Variants in AP3B1 observed in about 807,000 individuals in gnomAD.
AP3B1 encodes the protein adaptor related protein complex 3 subunit beta 1, also known as AP-3 complex subunit beta-1.
A neutral mutation model predicts 132.5 loss-of-function variants in AP3B1; 61 were observed. The ratio of observed to expected loss-of-function variants is 0.46; its 90% CI spans 0.37 to 0.57. AP3B1 has a LOEUF of 0.57. Among genes scored for constraint, AP3B1 ranks in the 20% least tolerant of loss-of-function variants. The pLI is 0.00. For synonymous variants in AP3B1, 388 were observed against 438.3 expected, an observed-to-expected ratio of 0.89 and a Z score of 1.43; for missense variants, 1,120 against 1,289.4, an observed-to-expected ratio of 0.87 and a Z score of 2.01.
intron 19 of AP3B1, among the ~76,000 whole-genome samples, chr5:78,112,101 A>G (rs116573947): frequency 1.1e-3 from 161 of 152,326 alleles, no homozygotes; most frequent in African/African-American, 3.7e-3. Context: ...TAGGAGCTTT[A>G]AAAAATTATC....
intron 22 of AP3B1, chr5:78,044,111 C>T (rs572872345): frequency 2.4e-4 from 75 of 312,244 alleles, no homozygotes; most frequent in Non-Finnish European, 3.9e-4. Context: ...CCAGCTCCTC[C>T]GCTCCACGTG....
At chr5:78,193,611 G>A (rs966303278) in intron 7 of AP3B1, among the ~76,000 whole-genome samples, 10 of 148,804 alleles carry the variant, frequency 6.7e-5, no homozygotes, top group African/African-American at 2.5e-4. Context: ...TCTGTTTTTA[G>A]TAGAACTGCT....
intron 22 of AP3B1, among the ~76,000 whole-genome samples, chr5:78,079,435 C>T (rs1166100080): frequency 1.3e-5 from 2 of 152,040 alleles, no homozygotes; most frequent in Non-Finnish European, 2.9e-5. Context: ...AGCAAAAGAC[C>T]TACCATGGAG....
intron 7 of AP3B1, among the ~76,000 whole-genome samples, chr5:78,189,557 T>A (rs1227170946): frequency 1.3e-5 from 2 of 152,126 alleles, no homozygotes; most frequent in African/African-American, 4.8e-5. Flanking sequence ...TTCCTATTGA[T>A]GAATTTTTTT....
At chr5:78,093,199 G>A (rs1369331204) in intron 21 of AP3B1, among the ~76,000 whole-genome samples, 4 of 151,814 alleles carry the variant, frequency 2.6e-5, no homozygotes, top group African/African-American at 9.7e-5. Context: ...CGTAGGTTTT[G>A]TTTTGTTTTT....
intron 14 of AP3B1, 152 bp downstream of exon 14, chr5:78,156,106 C>T: frequency 1.6e-6 from 1 of 635,802 alleles, no homozygotes; most frequent in Non-Finnish European, 2.8e-6. Context: ...TTTGTAATTC[C>T]CTCCTATAAC....
intron 26 of AP3B1, among the ~76,000 whole-genome samples, chr5:78,005,046 T>C (rs1312533290): frequency 6.6e-6 from 1 of 152,204 alleles, no homozygotes. Context: ...TTCTGCTTCA[T>C]AGGAGAATGC....
chr5:78,252,865 C>G (rs138493545), intron 2 of AP3B1, among the ~76,000 whole-genome samples: 2 of 152,188 alleles, frequency 1.3e-5, no homozygotes, highest in Non-Finnish European at 2.9e-5. Context: ...CTGTAGAGCC[C>G]CAGGGCCTTG....
intron 12 of AP3B1, among the ~76,000 whole-genome samples, chr5:78,163,756 T>C (rs200406905): frequency 1.2e-3 from 179 of 151,730 alleles, no homozygotes; most frequent in African/African-American, 4.0e-3. Context: ...AATTTTATAA[T>C]GGCCCTAGAG....
intron 11 of AP3B1, among the ~76,000 whole-genome samples, chr5:78,174,866 T>C (rs753115998): frequency 3.9e-5 from 6 of 152,238 alleles, no homozygotes; most frequent in Non-Finnish European, 7.3e-5. Context: ...TGAGCTGTGG[T>C]GGGCTCCGCC....
chr5:78,190,884 GAA>G (rs758864977), intron 7 of AP3B1, among the ~76,000 whole-genome samples: 5 of 152,006 alleles, frequency 3.3e-5, no homozygotes, highest in Non-Finnish European at 7.4e-5. Context: ...TGCCAAATAT[GAA>G]AAAAAGTTTC....
intron 7 of AP3B1, among the ~76,000 whole-genome samples, chr5:78,186,836 T>C (rs1446304671): frequency 6.6e-6 from 1 of 152,174 alleles, no homozygotes; most frequent in Non-Finnish European, 1.5e-5. Flanking sequence ...TTACACAATC[T>C]TTCCTTAAAT....
intron 24 of AP3B1, among the ~76,000 whole-genome samples, chr5:78,022,896 G>A (rs1168287687): frequency 4.6e-5 from 7 of 152,122 alleles, no homozygotes; most frequent in African/African-American, 1.7e-4. Flanking sequence ...CAAATTTACT[G>A]ATGAGAAAAC....
rs199908785 is a variant in AP3B1 at position 78,128,125 on chromosome 5, T to A, written c.1873A>T (p.Thr625Ser). ...TACCCAGTAGCTTTAATGTTGAGAG[T>A]ATGAGATAAGGTGCCAAGCTGGAAA... ...DHFQLGTLSH[T>S]LNIKATGYLE... Residue 625 changes from threonine (T) to serine (S), a missense_variant, in exon 17 of 27, where the codon ACT (threonine) becomes TCT (serine). This residue lies in a region of AP3B1 where 906 missense variants were observed against 997.1 expected (regional missense o/e 0.91). Coordinates refer to ENST00000255194, the MANE Select transcript of AP3B1 (RefSeq NM_003664.5). 93 of 1,612,186 alleles carry A rather than the reference T, an allele frequency of 5.8e-5. No individual in the cohort carries two copies. The highest frequency in any genetic ancestry group is 1.7e-4 in the Middle Eastern group (1 of 6,050).
At chr5:78,075,532 T>G (rs1462763826) in intron 22 of AP3B1, among the ~76,000 whole-genome samples, 1 of 152,248 alleles carries the variant, frequency 6.6e-6, no homozygotes, top group Non-Finnish European at 1.5e-5. Context: ...CTCCACTGGC[T>G]GCCAATTTTC....
At chr5:78,289,797 C>T (rs1430996396) in intron 1 of AP3B1, among the ~76,000 whole-genome samples, 2 of 152,152 alleles carry the variant, frequency 1.3e-5, no homozygotes, top group East Asian at 3.9e-4. Flanking sequence ...ACTGCCTTCT[C>T]GTCTAACAAG....
At chr5:78,102,203 TAC>T (rs1382597789) in intron 20 of AP3B1, among the ~76,000 whole-genome samples, 1 of 152,146 alleles carries the variant, frequency 6.6e-6, no homozygotes, top group African/African-American at 2.4e-5. Flanking sequence ...ATTTAAAGTT[TAC>T]ACAGTGTTAG....
At chr5:78,215,879 T>C (rs1190401592) in intron 7 of AP3B1, among the ~76,000 whole-genome samples, 176 bp downstream of exon 7, 1 of 152,218 alleles carries the variant, frequency 6.6e-6, no homozygotes, top group Non-Finnish European at 1.5e-5. Flanking sequence ...AAATAATGGA[T>C]AATTATGCTT....
At chr5:78,193,757 T>TAG (rs1744953325) in intron 7 of AP3B1, among the ~76,000 whole-genome samples, 3 of 119,830 alleles carry the variant, frequency 2.5e-5, no homozygotes, top group Non-Finnish European at 3.5e-5. Flanking sequence ...TATATATATA[T>TAG]ATATATATAT....
Sources: gnomAD v4.1 joint callset for allele counts (sites outside exome capture counted in the v4.1 genomes callset) on GRCh38, gnomAD v4.1.1 for gene constraint, gnomAD v4.1.1 regional missense constraint, MANE v1.5 for transcripts, NCBI Gene and HGNC (gene_info 2026-07-23, HGNC 2026-07-21) for gene names.